DLGAP2: variants seen among roughly 807,000 people sequenced by gnomAD.
The protein encoded by DLGAP2 is disks large-associated protein 2.
Under a neutral mutation model 100.3 loss-of-function variants are expected in DLGAP2, and 26 were observed. The ratio of observed to expected loss-of-function variants is 0.26; its 90% CI spans 0.19 to 0.36. The LOEUF (loss-of-function observed/expected upper bound fraction) is 0.36. Ranked by LOEUF, DLGAP2 falls within the 10% of genes least tolerant of loss-of-function variation. DLGAP2 has a pLI of 1.00. For missense variants in DLGAP2, 1,858 were observed against 1,453.2 expected (o/e 1.28, Z -4.53); for synonymous variants, 886 against 630.1 (o/e 1.41, Z -6.08).
chr8:1,637,465 A>G (rs771475487), intron 8 of DLGAP2, among the ~76,000 whole-genome samples: 13 of 152,050 alleles, frequency 8.5e-5, no homozygotes, highest in Non-Finnish European at 1.8e-4. Flanking sequence ...CCATAAGTCA[A>G]CAGCTATGCA....
chr8:1,610,096 C>T (rs991333188), intron 6 of DLGAP2, among the ~76,000 whole-genome samples: 10 of 151,736 alleles, frequency 6.6e-5, no homozygotes, highest in Admixed American at 4.6e-4. Flanking sequence ...TTTTTTTCAG[C>T]ACCACACCAC....
intron 3 of DLGAP2, among the ~76,000 whole-genome samples, chr8:1,500,875 T>C (rs919052553): frequency 1.3e-5 from 2 of 152,232 alleles, no homozygotes; most frequent in Non-Finnish European, 2.9e-5. Flanking sequence ...TATTAAGCAC[T>C]AAGATCACAA....
chr8:845,455 A>G (rs1797055820), intron 1 of DLGAP2, among the ~76,000 whole-genome samples: 1 of 152,174 alleles, frequency 6.6e-6, no homozygotes, highest in Non-Finnish European at 1.5e-5. Context: ...GGCTGTTTGT[A>G]TATCTCCTTT....
At chr8:1,125,234 A>G (rs1796138834) in intron 2 of DLGAP2, among the ~76,000 whole-genome samples, 1 of 152,216 alleles carries the variant, frequency 6.6e-6, no homozygotes, top group South Asian at 2.1e-4. Context: ...CAGGGTTGTA[A>G]AAATCTCCCT....
intron 4 of DLGAP2, among the ~76,000 whole-genome samples, chr8:1,524,886 T>G (rs1254454222): frequency 6.6e-6 from 1 of 152,114 alleles, no homozygotes; most frequent in Non-Finnish European, 1.5e-5. Flanking sequence ...TAGCGCTGTG[T>G]TCTGCTAACC....
intron 6 of DLGAP2, among the ~76,000 whole-genome samples, chr8:1,578,365 G>A (rs537798546): frequency 2.6e-4 from 40 of 152,240 alleles, no homozygotes; most frequent in African/African-American, 8.7e-4. Flanking sequence ...TTCTTACCCC[G>A]GAAGTTATCG....
intron 2 of DLGAP2, among the ~76,000 whole-genome samples, chr8:1,202,263 TGTGTG>T: frequency 6.8e-6 from 1 of 147,750 alleles, no homozygotes; most frequent in African/African-American, 2.6e-5. Context: ...TGTGTGTGTG[TGTGTG>T]TGTGTCTGTG....
intron 2 of DLGAP2, among the ~76,000 whole-genome samples, chr8:1,122,599 C>G (rs915983817): frequency 2.0e-5 from 3 of 152,112 alleles, no homozygotes; most frequent in African/African-American, 7.2e-5. Context: ...TTCCTGCTTA[C>G]TATGTGTAGG....
intron 2 of DLGAP2, among the ~76,000 whole-genome samples, chr8:1,231,904 T>C (rs1798543675): frequency 6.6e-6 from 1 of 152,108 alleles, no homozygotes; most frequent in South Asian, 2.1e-4. Context: ...CTCAGCATCC[T>C]ACAATAGACC....
chr8:1,282,948 C>G (rs1157286007), intron 3 of DLGAP2, among the ~76,000 whole-genome samples: 26 of 134,168 alleles, frequency 1.9e-4, no homozygotes, highest in Non-Finnish European at 4.8e-5. Context: ...TGACCTGAAC[C>G]CAGCGCCCTG....
chr8:1,377,049 C>G (rs1208323322), intron 3 of DLGAP2, among the ~76,000 whole-genome samples: 1 of 152,222 alleles, frequency 6.6e-6, no homozygotes, highest in African/African-American at 2.4e-5. Flanking sequence ...TCCCTGGCTG[C>G]TTACATTAGA....
At chr8:1,116,440 C>A (rs1362258988) in intron 2 of DLGAP2, among the ~76,000 whole-genome samples, 1 of 152,148 alleles carries the variant, frequency 6.6e-6, no homozygotes, top group Non-Finnish European at 1.5e-5. Flanking sequence ...TGAGGGTTTT[C>A]TTATTTCTTC....
At chr8:1,665,899 C>T (rs1170316132) in intron 8 of DLGAP2, among the ~76,000 whole-genome samples, 1 of 152,242 alleles carries the variant, frequency 6.6e-6, no homozygotes, top group Non-Finnish European at 1.5e-5. Flanking sequence ...ATGAGCCCTC[C>T]TCACATCTCC....
At chr8:1,051,519 A>T (rs77053148) in intron 2 of DLGAP2, among the ~76,000 whole-genome samples, 2,436 of 152,336 alleles carry the variant, frequency 0.016, 74 homozygotes, top group African/African-American at 0.055. Context: ...CATAAAGATG[A>T]CATACGCAGA....
chr8:1,213,628 C>G (rs1346279825), intron 2 of DLGAP2, among the ~76,000 whole-genome samples: 8 of 152,146 alleles, frequency 5.3e-5, no homozygotes, highest in Non-Finnish European at 1.2e-4. Context: ...TCATGCATTC[C>G]TTAGGGAGCT....
At chr8:1,251,693 G>C (rs117539097) in intron 2 of DLGAP2, among the ~76,000 whole-genome samples, 2,641 of 152,290 alleles carry the variant, frequency 0.017, 38 homozygotes, top group Non-Finnish European at 0.024. Context: ...TGTGATCGTG[G>C]AGTCAGGTCA....
chr8:911,917 C>A (rs990630583), intron 2 of DLGAP2, among the ~76,000 whole-genome samples: 1 of 152,216 alleles, frequency 6.6e-6, no homozygotes, highest in Non-Finnish European at 1.5e-5. Context: ...GATGATCTGG[C>A]TTCCTTCCCT....
At chr8:757,200 T>A (rs960892781) in intron 1 of DLGAP2, among the ~76,000 whole-genome samples, 1 of 152,146 alleles carries the variant, frequency 6.6e-6, no homozygotes, top group Non-Finnish European at 1.5e-5. Context: ...TCCAAAAAAT[T>A]CTTCCCTCCC....
intron 3 of DLGAP2, among the ~76,000 whole-genome samples, chr8:1,280,825 T>C (rs1343949289): frequency 6.6e-6 from 1 of 152,200 alleles, no homozygotes; most frequent in African/African-American, 2.4e-5. Context: ...GATTCTTAAA[T>C]GGGACACATA....
Sources: allele counts gnomAD v4.1 joint callset (sites outside exome capture counted in the v4.1 genomes callset), GRCh38; gene constraint gnomAD v4.1.1; transcripts MANE v1.5; gene names NCBI Gene and HGNC (gene_info 2026-07-23, HGNC 2026-07-21).